DST: variants seen among roughly 807,000 people sequenced by gnomAD.
DST encodes bullous pemphigoid antigen.
Under a neutral mutation model 875.2 loss-of-function variants are expected in DST, and 253 were observed. The ratio of observed to expected loss-of-function variants is 0.29; its 90% CI spans 0.26 to 0.32. The LOEUF (loss-of-function observed/expected upper bound fraction) is 0.32, where lower values mean the gene tolerates loss of function less well. DST is among the 10% of genes least tolerant of loss of function. The pLI is 1.00. For synonymous variants in DST, 3,124 were observed against 3,197.1 expected, an observed-to-expected ratio of 0.98 and a Z score of 0.77; for missense variants, 8,287 against 9,111.6, an observed-to-expected ratio of 0.91 and a Z score of 3.68.
chr6:56,545,288 C>A (rs943666181), intron 61 of DST, among the ~76,000 whole-genome samples: 3 of 151,938 alleles, frequency 2.0e-5, no homozygotes, highest in Admixed American at 2.0e-4. Context: ...ACAGGCATGA[C>A]CCACTGTGCC....
At chr6:56,824,680 C>T (rs1412436862) in intron 4 of DST, among the ~76,000 whole-genome samples, 1 of 151,280 alleles carries the variant, frequency 6.6e-6, no homozygotes, top group Non-Finnish European at 1.5e-5. Context: ...AGGTGAGGAG[C>T]GTCTGTGCCC....
intron 4 of DST, among the ~76,000 whole-genome samples, chr6:56,781,426 G>A (rs1274961801): frequency 6.6e-6 from 1 of 152,112 alleles, no homozygotes; most frequent in African/African-American, 2.4e-5. Flanking sequence ...TCTCCTTGAA[G>A]AGGTCCTTCA....
In DST at chr6:56,570,031, A is replaced by T; in HGVS notation, c.13722-19T>A. On this transcript the variant is annotated intron_variant, in intron 53 of 103. Coordinates refer to ENST00000680361, the MANE Select transcript of DST (RefSeq NM_001374736.1). ...TTCTTTTCTACATAACAAAAATCAT[A>T]CAAGAATTTAAGTCACAGAAAGAAG... 1 of 1,528,480 alleles carries T rather than the reference A, an allele frequency of 6.5e-7. No homozygotes were observed. Among genetic ancestry groups the T allele is most frequent in the Non-Finnish European group, 8.8e-7 (1 of 1,131,256 alleles). The allele number at this position is 1,528,480 out of a possible 1,614,324, so 94.7% of individuals were successfully genotyped here.
Position 56,553,780 on chromosome 6 carries a change from G to A in DST, c.15137-125C>T, listed in dbSNP as rs559625119. 1.5e-5 allele frequency: 13 copies of A among 882,204 alleles called. No individual in the cohort carries two copies. In the African/African-American group the frequency reaches 2.0e-4, roughly 14 times the overall value. 54.6% of individuals were successfully genotyped at this position (882,204 alleles called of 1,614,324 possible). ...TTGAAAAGCAAGGGCTTTTAGCATTGACTATAAGAACTACAAGTGAACTTA... is the reference window on the plus strand; with the variant it reads ...TTGAAAAGCAAGGGCTTTTAGCATTAACTATAAGAACTACAAGTGAACTTA... On this transcript the variant is annotated intron_variant, in intron 60 of 103. Coordinates refer to ENST00000680361, the MANE Select transcript of DST (RefSeq NM_001374736.1).
intron 4 of DST, among the ~76,000 whole-genome samples, chr6:56,848,430 A>C (rs1341433529): frequency 6.6e-6 from 1 of 152,198 alleles, no homozygotes; most frequent in Non-Finnish European, 1.5e-5. Flanking sequence ...ATTTCCTAAA[A>C]AGGGTGAATT....
intron 93 of DST, among the ~76,000 whole-genome samples, chr6:56,473,364 T>TC (rs1172631747): frequency 1.3e-5 from 2 of 152,204 alleles, no homozygotes; most frequent in African/African-American, 4.8e-5. Flanking sequence ...TTAAATCTTC[T>TC]CCAAGCTAAC....
intron 42 of DST, 23 bp downstream of exon 42, chr6:56,603,182 A>T: frequency 6.4e-7 from 1 of 1,571,064 alleles, no homozygotes; most frequent in South Asian, 1.2e-5. Flanking sequence ...TCATAAATCA[A>T]AATTTTGACA....
At chr6:56,581,377 A>G (rs2097987086) in intron 49 of DST, among the ~76,000 whole-genome samples, 1 of 152,230 alleles carries the variant, frequency 6.6e-6, no homozygotes, top group Non-Finnish European at 1.5e-5. Context: ...TGGGCCCAGA[A>G]TAACTCTGTC....
At chr6:56,622,242 T>C (rs181862974) in intron 36 of DST, among the ~76,000 whole-genome samples, 10 of 152,264 alleles carry the variant, frequency 6.6e-5, no homozygotes, top group Non-Finnish European at 1.0e-4. Context: ...ATATCTGTTG[T>C]TGAACCCTCA....
chr6:56,896,836 T>C (rs76775690), intron 3 of DST, among the ~76,000 whole-genome samples: 17 of 152,352 alleles, frequency 1.1e-4, no homozygotes, highest in Admixed American at 5.2e-4. Context: ...GCTGATTTGT[T>C]TGAGTTCATT....
intron 4 of DST, among the ~76,000 whole-genome samples, chr6:56,830,219 A>C (rs1487996919): frequency 6.6e-6 from 1 of 152,126 alleles, no homozygotes; most frequent in African/African-American, 2.4e-5. Context: ...TTTACCACAC[A>C]TTGTGCATTG....
chr6:56,805,739 A>G (rs1406888384), intron 4 of DST, among the ~76,000 whole-genome samples: 2 of 152,212 alleles, frequency 1.3e-5, no homozygotes, highest in African/African-American at 4.8e-5. Context: ...TTCAGAGAAA[A>G]GGAAACTGAT....
In DST at chr6:56,871,442, CAA is replaced by C. The variant is rs938262636; in HGVS notation, c.418-19840_418-19839del. 3.1e-6 allele frequency: 5 copies of C among 1,596,334 alleles called. No homozygotes were observed. In the African/African-American group the frequency reaches 6.7e-5, roughly 21 times the overall value. ...GAGGCCGGACACAAGGTCGGTGGCC[CAA>C]AAAGAGTGCTGAATTTTTGCTGCAC... On this transcript the variant is annotated intron_variant, in intron 3 of 103. Transcript: ENST00000680361.
At position 56,741,914 on chromosome 6, in the gene DST, T is replaced by C. The variant is rs555694013; in HGVS notation, c.626-6625A>G. ...ATAAAGTGTAACAGCTGAAAATATGTAACGACAATGAAGACAAAGAATAAC... is the reference window on the plus strand; with the variant it reads ...ATAAAGTGTAACAGCTGAAAATATGCAACGACAATGAAGACAAAGAATAAC... On this transcript the variant is annotated intron_variant, in intron 4 of 103. Coordinates refer to ENST00000680361, the MANE Select transcript of DST (RefSeq NM_001374736.1). Among the ~76,000 whole-genome samples, 60 of 152,252 alleles carry C rather than the reference T, an allele frequency of 3.9e-4. No individual in the cohort carries two copies. The South Asian group carries it at 0.012, about 31-fold the overall frequency.
chr6:56,482,671 C>G lies in DST; in HGVS notation c.21402+12G>C, dbSNP rs754645711. On this transcript the variant is annotated intron_variant, in intron 89 of 103. Transcript: ENST00000680361. ...TCCCATTACACCCAGCTCTCATTTA[C>G]ATGGTTTTTACCTGACGCAGGGCTG... 18 of 1,605,906 alleles carry G rather than the reference C, an allele frequency of 1.1e-5. No individual in the cohort carries two copies. The Admixed American group carries it at 2.7e-4, about 24-fold the overall frequency.
intron 5 of DST, among the ~76,000 whole-genome samples, chr6:56,725,750 T>C (rs755751587): frequency 1.1e-4 from 17 of 152,168 alleles, no homozygotes; most frequent in Non-Finnish European, 2.1e-4. Context: ...TTGTTCTACA[T>C]TGTAACAAGT....
At chr6:56,754,378 C>T (rs1393402028) in intron 4 of DST, among the ~76,000 whole-genome samples, 2 of 152,136 alleles carry the variant, frequency 1.3e-5, no homozygotes, top group Non-Finnish European at 2.9e-5. Context: ...GTCTGTGTGA[C>T]TGATTCTTTC....
Position 56,808,544 on chromosome 6 carries a change from A to G in DST, c.625+42853T>C, listed in dbSNP as rs572787706. 1.1e-4 allele frequency among the ~76,000 whole-genome samples: 16 copies of G among 152,350 alleles called. No homozygotes were observed. The South Asian group carries it at 3.3e-3, about 32-fold the overall frequency. The stretch of plus-strand genomic sequence containing the variant: ...TTTACCATTTATCTAATATGTTGTA[A>G]TTGTTTCCTAAATGAAAATAATAAA... On this transcript the variant is annotated intron_variant, in intron 4 of 103. Transcript: ENST00000680361.
chr6:56,670,599 TGTCTTACA>T, intron 10 of DST, 34 bp downstream of exon 10: 1 of 1,233,436 alleles, frequency 8.1e-7, no homozygotes, highest in Middle Eastern at 2.0e-4. Context: ...GAAAGAAATG[TGTCTTACA>T]GTTGTATAAG....
Sources: allele counts gnomAD v4.1 joint callset (sites outside exome capture counted in the v4.1 genomes callset), GRCh38; gene constraint gnomAD v4.1.1; transcripts MANE v1.5; gene names NCBI Gene and HGNC (gene_info 2026-07-23, HGNC 2026-07-21).